FARP2: variants seen among roughly 807,000 people sequenced by gnomAD.
FARP2 encodes the protein FERM, ARH/RhoGEF and pleckstrin domain protein 2.
A neutral mutation model predicts 130.5 loss-of-function variants in FARP2; 111 were observed. The observed-to-expected ratio is 0.85, with a 90% CI of 0.73 to 1.00. The LOEUF (loss-of-function observed/expected upper bound fraction) is 1.00, where lower values mean the gene tolerates loss of function less well. FARP2 is among the 50% of genes least tolerant of loss of function. FARP2 has a pLI of 0.00. For missense variants in FARP2, 1,385 were observed against 1,346.3 expected (o/e 1.03, Z -0.45); for synonymous variants, 504 against 516.9 (o/e 0.98, Z 0.34).
intron 1 of FARP2, among the ~76,000 whole-genome samples, chr2:241,362,753 C>T (rs2061218078): frequency 6.6e-6 from 1 of 152,150 alleles, no homozygotes; most frequent in Non-Finnish European, 1.5e-5. Flanking sequence ...ACTTTTAAAG[C>T]TGGTAGTACT....
intron 1 of FARP2, among the ~76,000 whole-genome samples, chr2:241,362,246 A>T (rs2061204808): frequency 6.6e-6 from 1 of 152,118 alleles, no homozygotes. Flanking sequence ...GTAGTTAATA[A>T]GATGAATGTT....
chr2:241,492,140 C>A (rs891375262), intron 24 of FARP2, among the ~76,000 whole-genome samples: 3 of 152,212 alleles, frequency 2.0e-5, no homozygotes, highest in African/African-American at 7.2e-5. Flanking sequence ...GCCCCCACAC[C>A]CTTCCCCAAG....
At chr2:241,373,325 A>G (rs749376229) in intron 2 of FARP2, 35 bp downstream of exon 2, 3 of 1,316,198 alleles carry the variant, frequency 2.3e-6, no homozygotes, top group Non-Finnish European at 3.0e-6. Flanking sequence ...ATATTTCCTT[A>G]TATCTTCTAA....
intron 13 of FARP2, among the ~76,000 whole-genome samples, chr2:241,455,071 C>G (rs2063794359): frequency 6.6e-6 from 1 of 152,220 alleles, no homozygotes; most frequent in Non-Finnish European, 1.5e-5. Context: ...TCTCAAGAAG[C>G]TGCTCTATAC....
chr2:241,361,350 C>G (rs1305983535), intron 1 of FARP2, among the ~76,000 whole-genome samples: 4 of 152,168 alleles, frequency 2.6e-5, no homozygotes, highest in Admixed American at 2.6e-4. Flanking sequence ...CTGGTAATCA[C>G]CTAGGTTTGC....
chr2:241,435,460 G>A (rs1205298111), intron 11 of FARP2, among the ~76,000 whole-genome samples: 2 of 150,536 alleles, frequency 1.3e-5, no homozygotes, highest in Admixed American at 6.6e-5. Context: ...ACATGAATGT[G>A]TATTTTTACA....
At chr2:241,465,845 C>A (rs2064155727) in intron 17 of FARP2, 1 of 1,528,280 alleles carries the variant, frequency 6.5e-7, no homozygotes, top group Non-Finnish European at 8.8e-7. Context: ...CTAGAGTTCC[C>A]AAGGGACTAT....
rs1293802596 is a variant in FARP2 at position 241,494,202 on chromosome 2, C to T, written c.*77C>T. ...AGGTGACCTCTGTCCTGAGGCTTCTCAACAGATGGGAAGTGGCTGTGGTCT... is the reference window on the plus strand; with the variant it reads ...AGGTGACCTCTGTCCTGAGGCTTCTTAACAGATGGGAAGTGGCTGTGGTCT... On this transcript the variant is annotated 3_prime_UTR_variant, in exon 27 of 27. Transcript: ENST00000264042. The surrounding 1 kb of genome is among the most constrained non-coding windows in gnomAD (Gnocchi z 4.9). 24 of 869,474 alleles carry T rather than the reference C, an allele frequency of 2.8e-5. No homozygotes were observed. Among genetic ancestry groups the T allele is most frequent in the Non-Finnish European group, 3.9e-5 (23 of 595,040 alleles). 53.9% of individuals were successfully genotyped at this position (869,474 alleles called of 1,614,324 possible).
intron 2 of FARP2, among the ~76,000 whole-genome samples, chr2:241,379,498 C>A (rs377508870): frequency 6.6e-6 from 1 of 152,116 alleles, no homozygotes; most frequent in Non-Finnish European, 1.5e-5. Context: ...CCTTTTCTTT[C>A]TTTTTTTCTT....
chr2:241,380,351 G>A (rs1264844429), intron 2 of FARP2, among the ~76,000 whole-genome samples: 1 of 151,974 alleles, frequency 6.6e-6, no homozygotes, highest in Non-Finnish European at 1.5e-5. Context: ...AGCTGTGAGC[G>A]CCAACTCAGA....
intron 21 of FARP2, chr2:241,489,022 C>A (rs1457245410): frequency 1.3e-5 from 2 of 152,250 alleles, no homozygotes; most frequent in South Asian, 2.1e-4. Context: ...AAATTCCTTA[C>A]AAAAACACCA....
chr2:241,473,798 A>C (rs1473837738), intron 18 of FARP2, among the ~76,000 whole-genome samples: 1 of 152,198 alleles, frequency 6.6e-6, no homozygotes, highest in Non-Finnish European at 1.5e-5. Flanking sequence ...GGAGCTTAGA[A>C]ATCTGCACAG....
At chr2:241,419,083 G>C (rs2150374907) in intron 8 of FARP2, among the ~76,000 whole-genome samples, 1 of 152,168 alleles carries the variant, frequency 6.6e-6, no homozygotes, top group African/African-American at 2.4e-5. Flanking sequence ...AAAAGAGCTT[G>C]GTCTGATTCA....
chr2:241,406,932 G>C (rs945071592), intron 4 of FARP2, among the ~76,000 whole-genome samples: 1 of 151,876 alleles, frequency 6.6e-6, no homozygotes, highest in African/African-American at 2.4e-5. Flanking sequence ...CTCAGCCTCT[G>C]GAGTAGCTGG....
intron 9 of FARP2, 133 bp from the exon 10 acceptor site, chr2:241,434,025 A>T: frequency 1.4e-6 from 1 of 701,436 alleles, no homozygotes; most frequent in East Asian, 2.7e-5. Flanking sequence ...ACAGAGCAAG[A>T]TCCTGTCTCA....
chr2:241,421,774 T>C (rs1180302161), intron 8 of FARP2, among the ~76,000 whole-genome samples: 2 of 152,188 alleles, frequency 1.3e-5, no homozygotes, highest in African/African-American at 4.8e-5. Context: ...TCACAGGCTT[T>C]GCTGGTGATA....
intron 19 of FARP2, among the ~76,000 whole-genome samples, chr2:241,477,339 A>C (rs1274446826): frequency 6.6e-6 from 1 of 152,102 alleles, no homozygotes; most frequent in African/African-American, 2.4e-5. Context: ...CATGTTGGCC[A>C]GGATGGTCTC....
At position 241,490,808 on chromosome 2, in the gene FARP2, T is replaced by C. The variant is rs1289444179; in HGVS notation, c.2505-253T>C. ...GGAACAAATACCCCTGCAGACCCCC[T>C]GTTCTAGGACCGGGGCCCTGCCCTG... On this transcript the variant is annotated intron_variant, in intron 22 of 26. Coordinates refer to ENST00000264042, the MANE Select transcript of FARP2 (RefSeq NM_014808.4). Among the ~76,000 whole-genome samples the C allele has an allele frequency of 4.6e-5, 7 of 152,170 alleles. 1 individual carries two copies. Among genetic ancestry groups the C allele is most frequent in the Non-Finnish European group, 1.0e-4 (7 of 68,022 alleles).
chr2:241,440,199 C>T (rs1465807027), intron 12 of FARP2, among the ~76,000 whole-genome samples: 1 of 152,160 alleles, frequency 6.6e-6, no homozygotes, highest in Admixed American at 6.5e-5. Context: ...GTGTATATTG[C>T]CTGTGTACAT....
Sources: allele counts gnomAD v4.1 joint callset (sites outside exome capture counted in the v4.1 genomes callset), GRCh38; gene constraint gnomAD v4.1.1; non-coding constraint Gnocchi (gnomAD v3.1); transcripts MANE v1.5; gene names NCBI Gene and HGNC (gene_info 2026-07-23, HGNC 2026-07-21).